The following TLL1 variants were observed in gnomAD, a reference collection of about 807,000 sequenced individuals.
TLL1 encodes the protein tolloid-like protein 1.
Under a neutral mutation model 128.2 loss-of-function variants are expected in TLL1, and 49 were observed. The observed-to-expected ratio is 0.38, with a 90% confidence interval of 0.30 to 0.48. The LOEUF (loss-of-function observed/expected upper bound fraction) is 0.48. Ranked by LOEUF, TLL1 falls within the 20% of genes least tolerant of loss-of-function variation. The pLI is 0.96. For missense variants in TLL1, 1,123 were observed against 1,242.0 expected, an observed-to-expected ratio of 0.90 and a Z score of 1.44; for synonymous variants, 454 against 418.8, an observed-to-expected ratio of 1.08 and a Z score of -1.03.
chr4:166,043,851 A>T (rs1036227659), intron 12 of TLL1, among the ~76,000 whole-genome samples: 3 of 151,468 alleles, frequency 2.0e-5, no homozygotes, highest in Non-Finnish European at 4.4e-5. Context: ...AATTGTTTAT[A>T]TCAAAAATAG....
chr4:166,029,702 T>A (rs1738670193), intron 9 of TLL1, among the ~76,000 whole-genome samples: 1 of 152,098 alleles, frequency 6.6e-6, no homozygotes. Context: ...CAATCATCAT[T>A]CTACTTTCTG....
chr4:165,957,648 G>A (rs192090725), intron 1 of TLL1, among the ~76,000 whole-genome samples: 10 of 150,580 alleles, frequency 6.6e-5, no homozygotes, highest in South Asian at 2.1e-4. Context: ...GACTTTTATC[G>A]CTCGTCCCCA....
intron 1 of TLL1, among the ~76,000 whole-genome samples, chr4:165,953,642 ATATAT>A (rs1579534710): frequency 6.6e-6 from 1 of 150,694 alleles, no homozygotes; most frequent in East Asian, 1.9e-4. Context: ...ATATATATAT[ATATAT>A]AAATATTATG....
intron 13 of TLL1, among the ~76,000 whole-genome samples, chr4:166,056,578 C>A (rs966904973): frequency 5.9e-5 from 9 of 152,082 alleles, no homozygotes; most frequent in Non-Finnish European, 1.2e-4. Flanking sequence ...TCACCACAAT[C>A]TATTTCTTAA....
At chr4:166,100,652 G>C in intron 20 of TLL1, 90 bp from the exon 21 acceptor site, 1 of 1,532,626 alleles carries the variant, frequency 6.5e-7, no homozygotes, top group East Asian at 2.3e-5. Context: ...ATATTCCAAA[G>C]ACAAGTATTC....
At position 166,050,950 on chromosome 4, in the gene TLL1, T is replaced by C. The variant is rs1739693893; in HGVS notation, c.1525-4126T>C. On this transcript the variant is annotated intron_variant, in intron 12 of 20. Transcript: ENST00000061240. ...TCTTCCTTCTTTGTGTATTTGGCTC[T>C]ACTTCTGATATCATTTACTTACTAG... is the stretch of plus-strand genomic sequence containing the variant. Among the ~76,000 whole-genome samples, 3 of 152,222 alleles carry C rather than the reference T, an allele frequency of 2.0e-5. No homozygotes were observed. In the South Asian group the frequency reaches 6.2e-4, roughly 31 times the overall value.
chr4:165,922,232 A>G (rs1178552205), intron 1 of TLL1, among the ~76,000 whole-genome samples: 2 of 152,234 alleles, frequency 1.3e-5, no homozygotes, highest in Non-Finnish European at 2.9e-5. Flanking sequence ...TTTAAACAAC[A>G]TAAACTTAAG....
intron 12 of TLL1, among the ~76,000 whole-genome samples, chr4:166,052,965 G>GTGTGTGTGTGTGTATATATATATATA: frequency 1.0e-5 from 1 of 99,646 alleles, no homozygotes; most frequent in African/African-American, 3.8e-5. Context: ...GAGGTTATGT[G>GTGTGTGTGTGTGTATATATATATATA]TATATATATA....
At chr4:165,962,197 A>C (rs370708658) in intron 1 of TLL1, among the ~76,000 whole-genome samples, 8 of 152,200 alleles carry the variant, frequency 5.3e-5, no homozygotes, top group Admixed American at 1.3e-4. Flanking sequence ...CCTAATATTC[A>C]GAATGCACAA....
At chr4:166,096,620 G>T (rs1042754463) in intron 19 of TLL1, among the ~76,000 whole-genome samples, 15 of 152,032 alleles carry the variant, frequency 9.9e-5, no homozygotes, top group South Asian at 4.1e-4. Flanking sequence ...ACACACAAAA[G>T]GCTGCCTGTA....
At chr4:166,062,728 T>G (rs1293199853) in intron 15 of TLL1, among the ~76,000 whole-genome samples, 1 of 152,170 alleles carries the variant, frequency 6.6e-6, no homozygotes, top group Admixed American at 6.6e-5. Context: ...CCTGCCTGAT[T>G]GCCCTGGCCA....
intron 1 of TLL1, among the ~76,000 whole-genome samples, chr4:165,936,378 T>G (rs905115181): frequency 6.6e-6 from 1 of 151,154 alleles, no homozygotes; most frequent in African/African-American, 2.4e-5. Context: ...CGCCACCATG[T>G]CTGGCTAATT....
chr4:165,914,195 T>C (rs989506027), intron 1 of TLL1, among the ~76,000 whole-genome samples: 8 of 152,168 alleles, frequency 5.3e-5, no homozygotes, highest in African/African-American at 1.9e-4. Context: ...TGGCTTTTTC[T>C]CTATTAGCGT....
At chr4:165,877,860 T>A (rs1730791507) in intron 1 of TLL1, among the ~76,000 whole-genome samples, 1 of 151,980 alleles carries the variant, frequency 6.6e-6, no homozygotes, top group Admixed American at 6.6e-5. Flanking sequence ...TAGGAGAAAT[T>A]GAAGAAATTA....
intron 10 of TLL1, among the ~76,000 whole-genome samples, chr4:166,041,040 GTATTA>G (rs759218241): frequency 3.9e-5 from 6 of 152,098 alleles, no homozygotes; most frequent in Non-Finnish European, 8.8e-5. Context: ...GGAATGACAG[GTATTA>G]TATTTATTTG....
At chr4:166,032,120 C>A (rs1189542571) in intron 9 of TLL1, among the ~76,000 whole-genome samples, 1 of 151,654 alleles carries the variant, frequency 6.6e-6, no homozygotes, top group Non-Finnish European at 1.5e-5. Flanking sequence ...AATAATCAAC[C>A]AAAATTTAAG....
At position 166,074,735 on chromosome 4, in the gene TLL1, T is replaced by C. The variant is rs1169941919; in HGVS notation, c.2189-143T>C. On this transcript the variant is annotated intron_variant, in intron 16 of 20. Transcript: ENST00000061240. ...AAGGGTAAAACTAAGAGATCATACATTTTTGTTTGTTTTATGTTGGGAACA... is the reference window on the plus strand; with the variant it reads ...AAGGGTAAAACTAAGAGATCATACACTTTTGTTTGTTTTATGTTGGGAACA... 4.1e-6 allele frequency: 4 copies of C among 971,206 alleles called. No homozygotes were observed. The Admixed American group carries it at 8.0e-5, about 19-fold the overall frequency. 60.2% of individuals were successfully genotyped at this position (971,206 alleles called of 1,614,324 possible).
chr4:165,987,884 GACAGTAATTTGA>G (rs1395412738), intron 1 of TLL1, among the ~76,000 whole-genome samples: 2 of 152,022 alleles, frequency 1.3e-5, no homozygotes, highest in African/African-American at 4.8e-5. Flanking sequence ...TCCAATGAAA[GACAGTAATTTGA>G]AAAGCATGGA....
At chr4:165,992,978 A>G (rs558520791) in intron 3 of TLL1, 94 bp downstream of exon 3, 17 of 1,047,408 alleles carry the variant, frequency 1.6e-5, no homozygotes, top group East Asian at 9.8e-5. Flanking sequence ...GTGTGCCATT[A>G]TGATGTGAAG....
Sources: allele counts gnomAD v4.1 joint callset (sites outside exome capture counted in the v4.1 genomes callset), GRCh38; gene constraint gnomAD v4.1.1; transcripts MANE v1.5; gene names NCBI Gene and HGNC (gene_info 2026-07-23, HGNC 2026-07-21).